The following CTNNA3 variants were observed in gnomAD, a reference collection of about 807,000 sequenced individuals.
CTNNA3 encodes the protein catenin alpha-3.
In CTNNA3, 76 loss-of-function variants were observed where a neutral mutation model predicts 95.7. That is an observed-to-expected ratio of 0.79 (90% CI 0.66 to 0.96). The LOEUF (loss-of-function observed/expected upper bound fraction) is 0.96. CTNNA3 is among the 40% of genes least tolerant of loss of function. The probability of loss-of-function intolerance (pLI) is 0.00; values close to 1 mark genes in which losing one functional copy is unlikely to be tolerated. For missense variants in CTNNA3, 1,191 were observed against 1,089.8 expected (o/e 1.09, Z -1.31); for synonymous variants, 431 against 374.4 (o/e 1.15, Z -1.74).
In CTNNA3 at chr10:67,474,989, CT is replaced by C. The variant is rs572148487; in HGVS notation, c.579+46852del. On this transcript the variant is annotated intron_variant, in intron 5 of 17. Coordinates refer to ENST00000433211, the MANE Select transcript of CTNNA3 (RefSeq NM_013266.4). ...ATCAGAGCATGATTATTTATGGCAG[CT>C]TTTTTCATCATAATCAAAAATTGCA... Among the ~76,000 whole-genome samples, 554 of 152,252 alleles carry C rather than the reference CT, an allele frequency of 3.6e-3. 8 individuals carry two copies. Among genetic ancestry groups the C allele is most frequent in the African/African-American group, 0.013 (531 of 41,550 alleles).
chr10:66,777,774 C>T (rs1840364549), intron 7 of CTNNA3, among the ~76,000 whole-genome samples: 1 of 122,960 alleles, frequency 8.1e-6, no homozygotes, highest in Admixed American at 8.4e-5. Context: ...CACACACACA[C>T]ACACACACAC....
At chr10:66,992,644 G>A (rs1851105784) in intron 7 of CTNNA3, among the ~76,000 whole-genome samples, 1 of 151,860 alleles carries the variant, frequency 6.6e-6, no homozygotes, top group South Asian at 2.1e-4. Context: ...CAGGGTTATA[G>A]AACTATTTTC....
intron 7 of CTNNA3, among the ~76,000 whole-genome samples, chr10:67,152,790 C>T (rs1016863555): frequency 1.1e-5 from 1 of 87,502 alleles, no homozygotes; most frequent in African/African-American, 7.5e-5. Context: ...TTTCAGTAAA[C>T]CTTTATATAG....
At chr10:67,295,134 A>C (rs1839984360) in intron 5 of CTNNA3, among the ~76,000 whole-genome samples, 1 of 152,182 alleles carries the variant, frequency 6.6e-6, no homozygotes, top group African/African-American at 2.4e-5. Flanking sequence ...TCTATCACTA[A>C]TTACCCCTTC....
intron 5 of CTNNA3, among the ~76,000 whole-genome samples, chr10:67,514,922 G>A (rs561289866): frequency 3.0e-4 from 45 of 152,240 alleles, no homozygotes; most frequent in African/African-American, 1.0e-3. Flanking sequence ...GCTAACGCTT[G>A]ACTCAACAGC....
chr10:67,462,640 T>A (rs1259962974), intron 5 of CTNNA3, among the ~76,000 whole-genome samples: 1 of 152,180 alleles, frequency 6.6e-6, no homozygotes, highest in South Asian at 2.1e-4. Flanking sequence ...GTGACTAGAA[T>A]GAAGCTCACA....
intron 7 of CTNNA3, among the ~76,000 whole-genome samples, chr10:66,987,867 A>G (rs912982649): frequency 1.3e-5 from 2 of 152,186 alleles, no homozygotes; most frequent in African/African-American, 2.4e-5. Flanking sequence ...TTAGTTTACA[A>G]TGAATTAAAG....
intron 7 of CTNNA3, among the ~76,000 whole-genome samples, chr10:67,019,416 C>T (rs1458598875): frequency 6.6e-6 from 1 of 152,040 alleles, no homozygotes; most frequent in African/African-American, 2.4e-5. Flanking sequence ...CAGGGTTTCT[C>T]CACATTGGTC....
At chr10:67,394,082 C>T (rs142740232) in intron 5 of CTNNA3, among the ~76,000 whole-genome samples, 11 of 152,116 alleles carry the variant, frequency 7.2e-5, no homozygotes, top group East Asian at 1.9e-4. Context: ...AGACCAGTTG[C>T]GGATATATGG....
chr10:67,131,121 C>G (rs1421177641), intron 7 of CTNNA3, among the ~76,000 whole-genome samples: 2 of 152,056 alleles, frequency 1.3e-5, no homozygotes, highest in African/African-American at 4.8e-5. Context: ...CTTACCAACT[C>G]AGAACTCAGA....
intron 9 of CTNNA3, among the ~76,000 whole-genome samples, chr10:66,753,676 A>T (rs1215675768): frequency 6.6e-6 from 1 of 150,402 alleles, no homozygotes; most frequent in Non-Finnish European, 1.5e-5. Flanking sequence ...AAAAAAAGAA[A>T]ATATATATAT....
intron 1 of CTNNA3, among the ~76,000 whole-genome samples, chr10:67,736,693 G>A (rs1359027960): frequency 6.6e-6 from 1 of 151,858 alleles, no homozygotes; most frequent in African/African-American, 2.4e-5. Context: ...CTGACCTCGT[G>A]TTCCACCCAC....
At chr10:66,215,055 C>T (rs548214801) in intron 13 of CTNNA3, among the ~76,000 whole-genome samples, 2 of 143,048 alleles carry the variant, frequency 1.4e-5, no homozygotes, top group African/African-American at 4.9e-5. Flanking sequence ...TAAACTAATA[C>T]TTGAAAAAAA....
chr10:66,363,632 T>A (rs1316822648), intron 12 of CTNNA3, among the ~76,000 whole-genome samples: 1 of 152,134 alleles, frequency 6.6e-6, no homozygotes, highest in Non-Finnish European at 1.5e-5. Flanking sequence ...TAAAAAAAAT[T>A]AAAAACATAT....
intron 5 of CTNNA3, among the ~76,000 whole-genome samples, chr10:67,379,788 G>A (rs1435666451): frequency 1.3e-5 from 2 of 152,004 alleles, no homozygotes; most frequent in Non-Finnish European, 2.9e-5. Flanking sequence ...TTGGGAGGCC[G>A]AGGCGGGCGG....
intron 1 of CTNNA3, among the ~76,000 whole-genome samples, chr10:67,725,883 G>A (rs902671482): frequency 4.2e-5 from 6 of 141,996 alleles, no homozygotes; most frequent in Non-Finnish European, 9.0e-5. Flanking sequence ...TGACTAGAAT[G>A]TCATATATAT....
intron 7 of CTNNA3, among the ~76,000 whole-genome samples, chr10:67,120,796 T>C (rs924585471): frequency 6.6e-6 from 1 of 152,024 alleles, no homozygotes; most frequent in Non-Finnish European, 1.5e-5. Flanking sequence ...TGTTTTGTAA[T>C]GCGTAAGTCT....
chr10:67,022,074 A>C (rs935425965), intron 7 of CTNNA3, among the ~76,000 whole-genome samples: 4 of 152,248 alleles, frequency 2.6e-5, no homozygotes, highest in African/African-American at 9.6e-5. Context: ...ATCAGTGCTA[A>C]GACAGGAACT....
chr10:67,070,379 A>T (rs1238559732), intron 7 of CTNNA3, among the ~76,000 whole-genome samples: 1 of 152,120 alleles, frequency 6.6e-6, no homozygotes, highest in East Asian at 1.9e-4. Flanking sequence ...GTATGTTTTG[A>T]TGAACAAAAG....
Sources: allele counts gnomAD v4.1 joint callset (sites outside exome capture counted in the v4.1 genomes callset), GRCh38; gene constraint gnomAD v4.1.1; transcripts MANE v1.5; gene names NCBI Gene and HGNC (gene_info 2026-07-23, HGNC 2026-07-21).